The following ANK3 variants were observed in gnomAD, a reference collection of about 807,000 sequenced individuals.
ANK3 encodes the protein ankyrin-3.
Under a neutral mutation model 370.9 loss-of-function variants are expected in ANK3, and 57 were observed. That is an observed-to-expected ratio of 0.15 (90% CI 0.12 to 0.19). The LOEUF (loss-of-function observed/expected upper bound fraction) is 0.19, where lower values mean the gene tolerates loss of function less well. ANK3 is among the 10% of genes least tolerant of loss of function. The pLI, the probability that ANK3 is intolerant of heterozygous loss-of-function variation, is 1.00. For missense variants in ANK3, 4,439 were observed against 5,302.1 expected (o/e 0.84, Z 5.06); for synonymous variants, 1,929 against 1,946.3 (o/e 0.99, Z 0.23).
At chr10:60,117,513 T>C (rs968947768) in intron 25 of ANK3, among the ~76,000 whole-genome samples, 1 of 152,092 alleles carries the variant, frequency 6.6e-6, no homozygotes, top group Non-Finnish European at 1.5e-5. Context: ...AATAAAATAT[T>C]GTGCTGGAAA....
intron 1 of ANK3, among the ~76,000 whole-genome samples, chr10:60,347,012 A>G (rs2055691983): frequency 1.4e-5 from 1 of 72,718 alleles, no homozygotes; most frequent in African/African-American, 3.6e-5. Flanking sequence ...TTTAGTTTCT[A>G]TCTAGTATGT....
chr10:60,175,368 G>T (rs530728773), intron 18 of ANK3, among the ~76,000 whole-genome samples: 1 of 152,280 alleles, frequency 6.6e-6, no homozygotes, highest in South Asian at 2.1e-4. Context: ...GCATAAATAC[G>T]CTCAGAGAGG....
intron 42 of ANK3, chr10:60,043,082 G>A: frequency 9.4e-7 from 1 of 1,061,646 alleles, no homozygotes; most frequent in Non-Finnish European, 1.1e-6. Context: ...TCACAAGGCA[G>A]CAGAATTGTA....
chr10:60,094,670 C>T (rs1231138638), intron 28 of ANK3, among the ~76,000 whole-genome samples: 1 of 151,718 alleles, frequency 6.6e-6, no homozygotes, highest in Non-Finnish European at 1.5e-5. Context: ...GATGGCTAGG[C>T]TATGAAATTC....
At chr10:60,231,649 T>A (rs1389422747) in intron 8 of ANK3, among the ~76,000 whole-genome samples, 1 of 152,142 alleles carries the variant, frequency 6.6e-6, no homozygotes, top group Admixed American at 6.5e-5. Context: ...ACCCAATCAC[T>A]ACTTCATCAT....
At chr10:60,539,945 G>T (rs1473591460) in intron 2 of ANK3, among the ~76,000 whole-genome samples, 2 of 151,920 alleles carry the variant, frequency 1.3e-5, no homozygotes, top group African/African-American at 2.4e-5. Context: ...AAAATTAAGT[G>T]CCTCAAAATA....
intron 2 of ANK3, among the ~76,000 whole-genome samples, chr10:60,540,585 G>A (rs1019590495): frequency 6.6e-6 from 1 of 151,908 alleles, no homozygotes; most frequent in African/African-American, 2.4e-5. Context: ...AGAAAGCATG[G>A]TACAGTGGGG....
intron 2 of ANK3, among the ~76,000 whole-genome samples, chr10:60,447,924 C>A (rs2064493573): frequency 1.3e-5 from 2 of 151,988 alleles, no homozygotes; most frequent in Admixed American, 1.3e-4. Flanking sequence ...GGTTTTGTTC[C>A]CCTTAAAGGA....
At position 60,646,725 on chromosome 10, in the gene ANK3, G is replaced by C. The variant is rs546479066; in HGVS notation, c.58-31501C>G. Among the ~76,000 whole-genome samples, 43 of 152,126 alleles carry C rather than the reference G, an allele frequency of 2.8e-4. No homozygotes were observed. The South Asian group carries it at 8.7e-3, about 31-fold the overall frequency. ...ATTTAGCTCAAGAAGAAGAAGAGGA[G>C]GAATTTAATGACTATTAAGCAGTTA... On this transcript the variant is annotated intron_variant, in intron 1 of 43. Coordinates refer to the ANK3 transcript ENST00000373827.
At chr10:60,526,730 T>C (rs1428619884) in intron 2 of ANK3, among the ~76,000 whole-genome samples, 1 of 152,142 alleles carries the variant, frequency 6.6e-6, no homozygotes, top group Admixed American at 6.6e-5. Context: ...ACCCACATGG[T>C]ATATTTAGAA....
intron 7 of ANK3, among the ~76,000 whole-genome samples, chr10:60,258,374 C>A (rs919577168): frequency 6.6e-6 from 1 of 152,202 alleles, no homozygotes; most frequent in Non-Finnish European, 1.5e-5. Context: ...GACAGGATAT[C>A]TTACATATAC....
At position 60,067,927 on chromosome 10, in the gene ANK3, G is replaced by A; in HGVS notation, c.12319+8C>T. The A allele has an allele frequency of 6.2e-7, 1 of 1,604,890 alleles. No homozygotes were observed. Among genetic ancestry groups the A allele is most frequent in the South Asian group, 1.1e-5 (1 of 89,966 alleles). Reference sequence around the variant, plus strand: ...TAATTTGTTCCATTCAGGAGTGTATGCACTTACCTGTCCAACTAAGTCCCA... The same window carrying A: ...TAATTTGTTCCATTCAGGAGTGTATACACTTACCTGTCCAACTAAGTCCCA... On this transcript the variant is annotated splice_region_variant and intron_variant, in intron 38 of 43. Transcript: ENST00000280772.
At chr10:60,621,840 G>T (rs977494501) in intron 1 of ANK3, among the ~76,000 whole-genome samples, 1 of 151,878 alleles carries the variant, frequency 6.6e-6, no homozygotes, top group Admixed American at 6.6e-5. Context: ...ATAATATAGT[G>T]GCAACTCAAA....
rs183017716 is a variant in ANK3, at chr10:60,177,549, T to G, written c.2184+3780A>C. 1.7e-4 allele frequency among the ~76,000 whole-genome samples: 26 copies of G among 151,636 alleles called. No homozygotes were observed. The East Asian group carries it at 4.5e-3, about 26-fold the overall frequency. ...TCAGATCCTTAGTTTCCTCCTGAAT[T>G]TCCTGCTTCTCCTTAGTCCCCATAC... On this transcript the variant is annotated intron_variant, in intron 18 of 43. Coordinates refer to ENST00000280772, the MANE Select transcript of ANK3 (RefSeq NM_020987.5).
chr10:60,679,325 G>C (rs2079164479), intron 1 of ANK3, among the ~76,000 whole-genome samples: 1 of 152,148 alleles, frequency 6.6e-6, no homozygotes, highest in African/African-American at 2.4e-5. Flanking sequence ...GCAACCATCA[G>C]GTGATGGTCA....
chr10:60,258,265 T>C (rs375232052), intron 7 of ANK3, among the ~76,000 whole-genome samples: 3 of 152,216 alleles, frequency 2.0e-5, no homozygotes, highest in East Asian at 1.9e-4. Context: ...TGACGCTGCA[T>C]TGCAGCATTC....
chr10:60,579,688 T>A (rs1294075389), intron 2 of ANK3, among the ~76,000 whole-genome samples: 1 of 152,234 alleles, frequency 6.6e-6, no homozygotes, highest in Non-Finnish European at 1.5e-5. Context: ...ATACTGATTG[T>A]CATATAGTCT....
At chr10:60,310,129 T>G (rs1174942381) in intron 1 of ANK3, among the ~76,000 whole-genome samples, 1 of 152,032 alleles carries the variant, frequency 6.6e-6, no homozygotes, top group Non-Finnish European at 1.5e-5. Context: ...CTAGCTATGT[T>G]GCCCAGGTTG....
chr10:60,678,625 A>G (rs1219057617), intron 1 of ANK3, among the ~76,000 whole-genome samples: 1 of 152,232 alleles, frequency 6.6e-6, no homozygotes, highest in Non-Finnish European at 1.5e-5. Context: ...TATTACAGAT[A>G]ATGTTAACAG....
Sources: gnomAD v4.1 joint callset for allele counts (sites outside exome capture counted in the v4.1 genomes callset) on GRCh38, gnomAD v4.1.1 for gene constraint, MANE v1.5 for transcripts, NCBI Gene and HGNC (gene_info 2026-07-23, HGNC 2026-07-21) for gene names.